SOX6: variants seen among roughly 807,000 people sequenced by gnomAD.
SOX6 encodes the protein SRY-box transcription factor 6, also known as transcription factor SOX-6.
Under a neutral mutation model 97.8 loss-of-function variants are expected in SOX6, and 11 were observed. That is an observed-to-expected ratio of 0.11 (90% CI 0.07 to 0.19). The LOEUF (loss-of-function observed/expected upper bound fraction) is 0.19. Among genes scored for constraint, SOX6 ranks in the 10% least tolerant of loss-of-function variants. The probability of loss-of-function intolerance (pLI) is 1.00; values close to 1 mark genes in which losing one functional copy is unlikely to be tolerated. For synonymous variants in SOX6, 360 were observed against 371.4 expected (o/e 0.97, Z 0.35); for missense variants, 810 against 1,039.5 (o/e 0.78, Z 3.04).
intron 6 of SOX6, among the ~76,000 whole-genome samples, chr11:16,179,544 A>T (rs1340154545): frequency 1.3e-5 from 2 of 151,966 alleles, no homozygotes; most frequent in South Asian, 4.1e-4. Context: ...ATTTGCAAAG[A>T]CGCAGCAATG....
At chr11:16,198,566 A>G (rs964936593) in intron 4 of SOX6, among the ~76,000 whole-genome samples, 1 of 152,134 alleles carries the variant, frequency 6.6e-6, no homozygotes, top group Non-Finnish European at 1.5e-5. Context: ...AAAATACGTT[A>G]AATTATGAGC....
At chr11:16,166,107 T>A (rs1006482293) in intron 6 of SOX6, among the ~76,000 whole-genome samples, 12 of 152,120 alleles carry the variant, frequency 7.9e-5, no homozygotes, top group Non-Finnish European at 1.6e-4. Context: ...TCCAATTTGC[T>A]CTTTCTAGGC....
chr11:16,423,464 T>C (rs909190515), intron 1 of SOX6, among the ~76,000 whole-genome samples: 4 of 152,200 alleles, frequency 2.6e-5, no homozygotes, highest in Non-Finnish European at 5.9e-5. Flanking sequence ...CACTTCAATA[T>C]TCCTACCATC....
In SOX6 at chr11:15,971,295, G is replaced by A. The variant is rs563147728; in HGVS notation, c.*1514C>T. Reference sequence around the variant, plus strand: ...GCTGTCATGTGGCTTTTTGCATCCTGGGGATTTTGCAATGAACTCCCTAGA... The same window carrying A: ...GCTGTCATGTGGCTTTTTGCATCCTAGGGATTTTGCAATGAACTCCCTAGA... On this transcript the variant is annotated 3_prime_UTR_variant, in exon 16 of 16. Transcript: ENST00000683767. 3.3e-5 allele frequency: 5 copies of A among 152,774 alleles called. No individual in the cohort carries two copies. The East Asian group carries it at 7.7e-4, about 24-fold the overall frequency. 9.5% of individuals were successfully genotyped at this position (152,774 alleles called of 1,614,324 possible).
intron 2 of SOX6, among the ~76,000 whole-genome samples, chr11:16,337,029 T>G (rs572025411): frequency 6.6e-6 from 1 of 152,174 alleles, no homozygotes; most frequent in Non-Finnish European, 1.5e-5. Flanking sequence ...TGTCTCACTC[T>G]ATAAGACTTC....
At chr11:16,350,462 A>G (rs1590148800) in intron 1 of SOX6, among the ~76,000 whole-genome samples, 1 of 152,186 alleles carries the variant, frequency 6.6e-6, no homozygotes, top group East Asian at 1.9e-4. Flanking sequence ...CTTTCAAATA[A>G]TATAATACAA....
chr11:16,386,648 T>C (rs1328449139), intron 1 of SOX6, among the ~76,000 whole-genome samples: 4 of 152,124 alleles, frequency 2.6e-5, no homozygotes, highest in Non-Finnish European at 5.9e-5. Context: ...TTTATGGCCC[T>C]CATAAATACT....
chr11:15,999,002 A>T (rs1049412121), intron 13 of SOX6, among the ~76,000 whole-genome samples: 2 of 152,154 alleles, frequency 1.3e-5, no homozygotes, highest in Non-Finnish European at 2.9e-5. Flanking sequence ...ACTGGAAAAA[A>T]TATTTGGAAC....
intron 3 of SOX6, among the ~76,000 whole-genome samples, chr11:16,304,012 G>T (rs1855342866): frequency 6.6e-6 from 1 of 152,004 alleles, no homozygotes; most frequent in Non-Finnish European, 1.5e-5. Context: ...CACCTCTCAG[G>T]TTCAAACATT....
At chr11:16,668,857 T>C (rs1847826983) in intron 3 of SOX6, among the ~76,000 whole-genome samples, 1 of 152,184 alleles carries the variant, frequency 6.6e-6, no homozygotes, top group African/African-American at 2.4e-5. Flanking sequence ...TATAAATATA[T>C]ATGCACCAAA....
chr11:16,357,947 T>C (rs888717708), upstream of SOX6, among the ~76,000 whole-genome samples: 10 of 152,188 alleles, frequency 6.6e-5, no homozygotes, highest in African/African-American at 1.7e-4. Context: ...ATGGTTTCTA[T>C]AGAGATTGAT....
intron 1 of SOX6, chr11:16,408,573 T>G (rs1047445295): frequency 5.3e-5 from 8 of 152,198 alleles, no homozygotes; most frequent in African/African-American, 1.9e-4. Flanking sequence ...TTAAATTACA[T>G]CACCAGTCAC....
At position 16,002,162 on chromosome 11, in the gene SOX6, C is replaced by T. The variant is rs1045292396; in HGVS notation, c.1732+12780G>A. On this transcript the variant is annotated intron_variant, in intron 13 of 15. Coordinates refer to ENST00000683767, the MANE Select transcript of SOX6 (RefSeq NM_001367873.1). ...GAGGCAGCTTAAACAAACACACGAC[C>T]GGAGTGGCGCAGGAGTTATAAAGTG... Among the ~76,000 whole-genome samples the T allele has an allele frequency of 2.0e-5, 3 of 152,098 alleles. No homozygotes were observed. In the South Asian group the frequency reaches 6.2e-4, roughly 31 times the overall value.
At chr11:16,291,051 C>T (rs1854894245) in intron 3 of SOX6, among the ~76,000 whole-genome samples, 1 of 151,782 alleles carries the variant, frequency 6.6e-6, no homozygotes, top group Non-Finnish European at 1.5e-5. Context: ...TGTAGGTTTT[C>T]CTATAAGCAG....
rs545290566 is a variant in SOX6 at position 16,426,027 on chromosome 11, TG to T, written c.-5+50287del. Among the ~76,000 whole-genome samples the T allele has an allele frequency of 7.8e-3, 1,177 of 151,234 alleles. 5 individuals carry two copies. Among genetic ancestry groups the T allele is most frequent in the Non-Finnish European group, 0.013 (869 of 67,758 alleles). On this transcript the variant is annotated intron_variant, in intron 1 of 15. Coordinates refer to the SOX6 transcript ENST00000396356. ...ATCCCAGCACTTTGGGAGGCCGAGA[TG>T]GGTGGATCACGAGGTCAGGAGATGG...
rs182192727 is a variant in SOX6, at chr11:16,087,747, T to C, written c.1101+8249A>G. On this transcript the variant is annotated intron_variant, in intron 9 of 15. Transcript: ENST00000683767. ...GATGAGTAAGATTTGCAGTCTCATT[T>C]CTTTATTATATATTCCTTTCCTTAT... Among the ~76,000 whole-genome samples, 15 of 152,262 alleles carry C rather than the reference T, an allele frequency of 9.9e-5. No individual in the cohort carries two copies. In the East Asian group the frequency reaches 2.1e-3, roughly 22 times the overall value.
At chr11:15,997,608 T>C (rs768800634) in intron 13 of SOX6, among the ~76,000 whole-genome samples, 22 of 152,040 alleles carry the variant, frequency 1.4e-4, no homozygotes, top group Non-Finnish European at 2.8e-4. Context: ...ATTCAGAAAA[T>C]GGTTTTAACA....
rs1376596021 is a variant in SOX6 at position 16,610,115 on chromosome 11, CGTT to C, written n.609+1963_609+1965del. 5.3e-5 allele frequency among the ~76,000 whole-genome samples: 8 copies of C among 152,294 alleles called. No individual in the cohort carries two copies. The East Asian group carries it at 9.6e-4, about 18-fold the overall frequency. On this transcript the variant is annotated intron_variant and non_coding_transcript_variant, in intron 4 of 5. Coordinates refer to the SOX6 transcript ENST00000524520. The surrounding 1 kb of genome is among the most constrained non-coding windows in gnomAD (Gnocchi z 4.4). ...ATCTCCCCTGTGTGTGTAAGAGTGT[CGTT>C]GGGCCTGTTCCAGAGCGTTGCACTC...
intron 1 of SOX6, among the ~76,000 whole-genome samples, chr11:16,434,964 C>G (rs1201900879): frequency 2.0e-5 from 3 of 152,074 alleles, no homozygotes; most frequent in Non-Finnish European, 4.4e-5. Flanking sequence ...ATTTAACCAG[C>G]TGACATAAGT....
Sources: gnomAD v4.1 joint callset for allele counts (sites outside exome capture counted in the v4.1 genomes callset) on GRCh38, gnomAD v4.1.1 for gene constraint, Gnocchi (gnomAD v3.1) non-coding constraint, MANE v1.5 for transcripts, NCBI Gene and HGNC (gene_info 2026-07-23, HGNC 2026-07-21) for gene names.